CD109: variants seen among roughly 807,000 people sequenced by gnomAD.
The protein encoded by CD109 is CD109 antigen.
Under a neutral mutation model 165.8 loss-of-function variants are expected in CD109, and 149 were observed. That is an observed-to-expected ratio of 0.90 (90% CI 0.79 to 1.03). The LOEUF (loss-of-function observed/expected upper bound fraction) is 1.03. CD109 is among the 50% of genes least tolerant of loss of function. The pLI is 0.00. For missense variants in CD109, 1,712 were observed against 1,677.8 expected, an observed-to-expected ratio of 1.02 and a Z score of -0.36; for synonymous variants, 585 against 592.1, an observed-to-expected ratio of 0.99 and a Z score of 0.18.
chr6:73,749,019 G>A (rs962977279), intron 5 of CD109, among the ~76,000 whole-genome samples: 2 of 152,118 alleles, frequency 1.3e-5, no homozygotes, highest in South Asian at 2.1e-4. Flanking sequence ...TTGCTATTAC[G>A]TAGGCAATAG....
At chr6:73,699,332 C>G (rs1303015297) in intron 2 of CD109, among the ~76,000 whole-genome samples, 33 of 152,010 alleles carry the variant, frequency 2.2e-4, no homozygotes, top group Admixed American at 2.2e-3. Flanking sequence ...ATATAACAAA[C>G]CTGCACGTGT....
intron 3 of CD109, among the ~76,000 whole-genome samples, chr6:73,727,265 C>A (rs549518242): frequency 1.3e-5 from 2 of 152,282 alleles, no homozygotes; most frequent in Middle Eastern, 6.8e-3. Context: ...GACTCTGGAG[C>A]ACCACCCAGA....
In CD109 at chr6:73,811,131, T is replaced by G; in HGVS notation, c.3686T>G (p.Leu1229Arg). 6.2e-7 allele frequency: 1 copy of G among 1,613,004 alleles called. No individual in the cohort carries two copies. The highest frequency in any genetic ancestry group is 2.2e-5 in the East Asian group (1 of 44,866). Residue 1229 changes from leucine to arginine, a missense_variant, in exon 28 of 33, where the codon CTC becomes CGC. By Grantham distance (102) the Leu-to-Arg change is moderately radical. Transcript: ENST00000287097. ...CTGATTGACACACACAACCGCTTAC[T>G]CCTTCAGACAGCAGAGGTGTGGGCA... ...KFLIDTHNRLLLQTAELAVVQ... is the reference protein window; with the variant it reads ...KFLIDTHNRLRLQTAELAVVQ...
Position 73,823,830 on chromosome 6 carries a change from C to G in CD109, c.*197C>G. 1 of 441,842 alleles carries G rather than the reference C, an allele frequency of 2.3e-6. No homozygotes were observed. Among genetic ancestry groups the G allele is most frequent in the African/African-American group, 1.9e-5 (1 of 51,286 alleles). The allele number at this position is 441,842 out of a possible 1,614,324, so 27.4% of individuals were successfully genotyped here. A position where few individuals can be genotyped will look rare whatever the true frequency, so the allele number is the denominator to read the frequency against. Reference sequence around the variant, plus strand: ...TTCACCTGATCTTTGTGTGGAAGATCAGAATGAATGCAGTTGTGTGTCTAT... The same window carrying G: ...TTCACCTGATCTTTGTGTGGAAGATGAGAATGAATGCAGTTGTGTGTCTAT... On this transcript the variant is annotated 3_prime_UTR_variant, in exon 33 of 33. Transcript: ENST00000287097.
intron 4 of CD109, among the ~76,000 whole-genome samples, chr6:73,733,659 G>A (rs1454507919): frequency 6.6e-6 from 1 of 152,190 alleles, no homozygotes; most frequent in African/African-American, 2.4e-5. Flanking sequence ...GAATGATCTT[G>A]TAGGGGAACA....
the CD109 span, among the ~76,000 whole-genome samples, chr6:73,680,420 C>T: frequency 6.6e-6 from 1 of 152,082 alleles, no homozygotes; most frequent in African/African-American, 2.4e-5. Flanking sequence ...GGAGAAATTG[C>T]CCCTAAGCCA....
At chr6:73,737,889 A>G (rs565130866) in intron 5 of CD109, among the ~76,000 whole-genome samples, 10 of 152,260 alleles carry the variant, frequency 6.6e-5, no homozygotes, top group African/African-American at 2.4e-4. Flanking sequence ...TAGTTTGAAT[A>G]TTATTTTCAG....
At chr6:73,771,776 T>G (rs1423064634) in intron 15 of CD109, among the ~76,000 whole-genome samples, 195 bp downstream of exon 15, 1 of 152,240 alleles carries the variant, frequency 6.6e-6, no homozygotes, top group Non-Finnish European at 1.5e-5. Flanking sequence ...TGTGGTTAAG[T>G]GTCCTTGCTC....
intron 2 of CD109, among the ~76,000 whole-genome samples, chr6:73,706,815 G>C (rs45620342): frequency 0.071 from 10,794 of 152,230 alleles, 460 homozygotes; most frequent in East Asian, 0.12. Flanking sequence ...ACACCTAGTA[G>C]CTCCCTTTTG....
Position 73,765,970 on chromosome 6 carries a change from A to G in CD109, c.1148A>G (p.Glu383Gly). 1.2e-6 allele frequency: 2 copies of G among 1,614,128 alleles called. No individual in the cohort carries two copies. Among genetic ancestry groups the G allele is most frequent in the Non-Finnish European group, 1.7e-6 (2 of 1,179,990 alleles). Residue 383 changes from glutamate (E) to glycine (G), a missense_variant, in exon 11 of 33, where the codon GAA (glutamate) becomes GGA (glycine). Coordinates refer to ENST00000287097, the MANE Select transcript of CD109 (RefSeq NM_133493.5). ...TRADGNQLTL[E>G]ERRNNVVITV... ...GCTGATGGCAACCAACTGACTCTTGAAGAAAGAAGAAATAATGTAGTCATA... is the reference window on the plus strand; with the variant it reads ...GCTGATGGCAACCAACTGACTCTTGGAGAAAGAAGAAATAATGTAGTCATA...
chr6:73,788,791 G>A (rs1420546796), intron 22 of CD109, among the ~76,000 whole-genome samples, 179 bp downstream of exon 22: 1 of 152,198 alleles, frequency 6.6e-6, no homozygotes, highest in Non-Finnish European at 1.5e-5. Flanking sequence ...TCCTAAAACT[G>A]TTCTCAATCT....
At chr6:73,797,043 T>C (rs149986634) in intron 23 of CD109, among the ~76,000 whole-genome samples, 53 of 152,324 alleles carry the variant, frequency 3.5e-4, no homozygotes, top group Admixed American at 2.0e-3. Flanking sequence ...AAATATACTG[T>C]AGTTGTTTTT....
At chr6:73,696,141 A>T (rs1582020871), upstream of CD109, 1 of 1,370,168 alleles carries the variant, frequency 7.3e-7, no homozygotes. Context: ...ATCAGGGAGG[A>T]GGTGGCAAGC....
At position 73,810,164 on chromosome 6, in the gene CD109, C is replaced by T. The variant is rs770077924; in HGVS notation, c.3536C>T (p.Ala1179Val). 3.8e-6 allele frequency: 6 copies of T among 1,595,848 alleles called. No individual in the cohort carries two copies. The highest frequency in any genetic ancestry group is 5.1e-6 in the Non-Finnish European group (6 of 1,173,234). Reference protein sequence around the residue: ...SRQRNSLGGFASTQDTTVALK... With the variant: ...SRQRNSLGGFVSTQDTTVALK... ...CAAAGAAATAGCTTGGGTGGTTTTG[C>T]ATCTACTCAGGTGAGAGATGATAGT... Residue 1179 changes from alanine to valine, a missense_variant, in exon 27 of 33, where the codon GCA becomes GTA. Ala to Val is a moderately conservative substitution (Grantham distance 64). Coordinates refer to ENST00000287097, the MANE Select transcript of CD109 (RefSeq NM_133493.5).
chr6:73,761,006 T>A (rs1773600534), intron 7 of CD109, among the ~76,000 whole-genome samples: 2 of 133,314 alleles, frequency 1.5e-5, no homozygotes, highest in South Asian at 2.5e-4. Context: ...AGAGTGAGAC[T>A]GTGTCTAAAC....
rs1004626419 is a variant in CD109, at chr6:73,810,993, A to T, written c.3548A>T (p.Asp1183Val). The change falls in exon 28 of 33, where the codon GAT becomes GTT. Residue 1183 changes from aspartate to valine, a missense_variant and splice_region_variant. Physicochemically the swap from Asp to Val is radical, Grantham distance 152. Coordinates refer to ENST00000287097, the MANE Select transcript of CD109 (RefSeq NM_133493.5). Reference protein sequence around the residue: ...NSLGGFASTQDTTVALKALSE... With the variant: ...NSLGGFASTQVTTVALKALSE... ...CAAATGTTTTTCTTCCCTCAACAGG[A>T]TACCACTGTGGCTTTAAAGGCTCTG... 28 of 1,612,390 alleles carry T rather than the reference A, an allele frequency of 1.7e-5. No individual in the cohort carries two copies. The Admixed American group carries it at 3.7e-4, about 21-fold the overall frequency.
chr6:73,733,076 A>G (rs1772423495), intron 4 of CD109, among the ~76,000 whole-genome samples: 2 of 152,208 alleles, frequency 1.3e-5, no homozygotes, highest in South Asian at 4.1e-4. Context: ...TGCAGAGGCC[A>G]GGTGGGAGCA....
Position 73,736,517 on chromosome 6 carries a change from A to G in CD109, c.633+9A>G. ...TTCAAGTTCAAGTGAATGTGAGTAT[A>G]AATATATTTTTTGGGGGGAATGTTA... On this transcript the variant is annotated intron_variant, in intron 5 of 32. Transcript: ENST00000287097. The G allele has an allele frequency of 6.2e-7, 1 of 1,604,450 alleles. No homozygotes were observed. Among genetic ancestry groups the G allele is most frequent in the Non-Finnish European group, 8.5e-7 (1 of 1,176,286 alleles).
rs372204048 is a variant in CD109 at position 73,732,303 on chromosome 6, CA to C, written c.507+1732del. ...ATAAATTAAAACAACAAAACCCAAT[CA>C]AATAAACATGTATACATTTAACTTT... On this transcript the variant is annotated intron_variant, in intron 4 of 32. Transcript: ENST00000287097. 4.2e-3 allele frequency among the ~76,000 whole-genome samples: 639 copies of C among 152,260 alleles called. 6 individuals carry two copies. Among genetic ancestry groups the C allele is most frequent in the African/African-American group, 0.015 (609 of 41,542 alleles).
Sources: allele counts gnomAD v4.1 joint callset (sites outside exome capture counted in the v4.1 genomes callset), GRCh38; gene constraint gnomAD v4.1.1; transcripts MANE v1.5; gene names NCBI Gene and HGNC (gene_info 2026-07-23, HGNC 2026-07-21).